The following CADM2 variants were observed in gnomAD, a reference collection of about 807,000 sequenced individuals.
CADM2 encodes the protein immunoglobulin superfamily member 4D.
In CADM2, 12 loss-of-function variants were observed where a neutral mutation model predicts 49.8. The ratio of observed to expected loss-of-function variants is 0.24; its 90% CI spans 0.15 to 0.39. CADM2 has a LOEUF of 0.39. Ranked by LOEUF, CADM2 falls within the 10% of genes least tolerant of loss-of-function variation. The pLI is 1.00. For synonymous variants in CADM2, 214 were observed against 175.4 expected, an observed-to-expected ratio of 1.22 and a Z score of -1.74; for missense variants, 378 against 492.3, an observed-to-expected ratio of 0.77 and a Z score of 2.20.
chr3:85,212,130 A>AT (rs2041794181), intron 1 of CADM2, among the ~76,000 whole-genome samples: 1 of 151,906 alleles, frequency 6.6e-6, no homozygotes, highest in Non-Finnish European at 1.5e-5. Context: ...CTACATGGAA[A>AT]TTTTTTTCTA....
At chr3:86,064,426 G>A (rs1228045558) in intron 8 of CADM2, among the ~76,000 whole-genome samples, 2 of 152,094 alleles carry the variant, frequency 1.3e-5, no homozygotes, top group Admixed American at 6.6e-5. Flanking sequence ...TGGTGTATAT[G>A]TGCCACATTT....
intron 2 of CADM2, among the ~76,000 whole-genome samples, chr3:85,775,072 G>C (rs959011261): frequency 1.3e-5 from 2 of 151,542 alleles, no homozygotes; most frequent in African/African-American, 2.4e-5. Flanking sequence ...TTTATCATGT[G>C]ATTTTCATAA....
chr3:85,525,325 T>C (rs2061137886), intron 1 of CADM2, among the ~76,000 whole-genome samples: 1 of 152,178 alleles, frequency 6.6e-6, no homozygotes, highest in Non-Finnish European at 1.5e-5. Flanking sequence ...AAACCAATCA[T>C]GCTAGGTTAT....
chr3:85,908,815 C>G (rs1187073492), intron 5 of CADM2, among the ~76,000 whole-genome samples: 2 of 151,782 alleles, frequency 1.3e-5, no homozygotes, highest in Non-Finnish European at 2.9e-5. Context: ...ACCTCCACTT[C>G]CCGGGTTCAA....
rs187151250 is a variant in CADM2 at position 85,218,095 on chromosome 3, G to A, written c.61+258427G>A. Among the ~76,000 whole-genome samples, 398 of 151,826 alleles carry A rather than the reference G, an allele frequency of 2.6e-3. 2 individuals carry two copies. The highest frequency in any genetic ancestry group is 4.1e-3 in the Non-Finnish European group (278 of 67,954). On this transcript the variant is annotated intron_variant, in intron 1 of 9. Transcript: ENST00000383699. ...TTTGATAATCATAATTATTTTATTA[G>A]ACATATAATAATTAGTTTATGAAAT...
chr3:85,898,330 T>C (rs6549060), intron 5 of CADM2, among the ~76,000 whole-genome samples: 25,920 of 151,968 alleles, frequency 0.17, 2,251 homozygotes, highest in East Asian at 0.2. Flanking sequence ...ATTTAAATTT[T>C]GCAATTTATT....
chr3:85,447,996 C>T (rs2037550641), intron 1 of CADM2, among the ~76,000 whole-genome samples: 1 of 151,952 alleles, frequency 6.6e-6, no homozygotes. Context: ...AAAACACACA[C>T]AAAAAGACAC....
rs1228306420 is a variant in CADM2, at chr3:85,776,173, A to G, written c.89-25874A>G. ...TTTTAATTAATAAAATGTTGAAAAC[A>G]GGGAAAACAAATCACTCATTCTAGG... On this transcript the variant is annotated intron_variant, in intron 2 of 9. Coordinates refer to ENST00000383699, the MANE Select transcript of CADM2 (RefSeq NM_001167675.2). Among the ~76,000 whole-genome samples, 4 of 152,066 alleles carry G rather than the reference A, an allele frequency of 2.6e-5. No homozygotes were observed. The East Asian group carries it at 7.7e-4, about 29-fold the overall frequency.
At chr3:85,471,960 A>G (rs1311570939) in intron 1 of CADM2, among the ~76,000 whole-genome samples, 2 of 151,966 alleles carry the variant, frequency 1.3e-5, no homozygotes, top group East Asian at 1.9e-4. Flanking sequence ...TCCCAATTCA[A>G]ATTAAATGTG....
intron 1 of CADM2, among the ~76,000 whole-genome samples, chr3:85,295,852 C>T (rs983922754): frequency 6.6e-6 from 1 of 151,596 alleles, no homozygotes; most frequent in African/African-American, 2.4e-5. Flanking sequence ...GGGTGCAACA[C>T]ACCAGCATGG....
At chr3:85,736,857 C>T (rs1293430861) in intron 2 of CADM2, among the ~76,000 whole-genome samples, 1 of 152,042 alleles carries the variant, frequency 6.6e-6, no homozygotes, top group East Asian at 1.9e-4. Context: ...TGGAAACTTA[C>T]AGTAGTCCAG....
At chr3:85,814,497 A>G (rs1301127417) in intron 3 of CADM2, among the ~76,000 whole-genome samples, 3 of 152,182 alleles carry the variant, frequency 2.0e-5, no homozygotes, top group Non-Finnish European at 2.9e-5. Flanking sequence ...AAAAACTAGC[A>G]GAAGACAAAA....
intron 1 of CADM2, among the ~76,000 whole-genome samples, chr3:85,284,543 T>G (rs1254416668): frequency 6.6e-6 from 1 of 152,076 alleles, no homozygotes; most frequent in Non-Finnish European, 1.5e-5. Context: ...GATTGTCACA[T>G]CTAAGCAAAG....
chr3:85,361,425 T>C (rs2032354192), intron 1 of CADM2, among the ~76,000 whole-genome samples: 2 of 152,088 alleles, frequency 1.3e-5, no homozygotes, highest in Non-Finnish European at 2.9e-5. Context: ...AGCCTAATGG[T>C]CTCCAAATAA....
intron 1 of CADM2, among the ~76,000 whole-genome samples, chr3:85,188,516 C>A (rs940105950): frequency 7.2e-5 from 11 of 151,842 alleles, no homozygotes; most frequent in African/African-American, 2.7e-4. Context: ...GCAATTTATT[C>A]TATTGATATA....
At chr3:85,162,728 A>G (rs142670778) in intron 1 of CADM2, among the ~76,000 whole-genome samples, 107 of 152,208 alleles carry the variant, frequency 7.0e-4, no homozygotes, top group Middle Eastern at 6.8e-3. Context: ...CTTACATGGA[A>G]TTTAATCTTG....
At chr3:85,131,008 C>T (rs544379681) in intron 1 of CADM2, among the ~76,000 whole-genome samples, 1 of 152,220 alleles carries the variant, frequency 6.6e-6, no homozygotes, top group South Asian at 2.1e-4. Flanking sequence ...CATAGTGAAA[C>T]TCCGTCTCTA....
At chr3:85,455,801 T>C (rs1247151398) in intron 1 of CADM2, among the ~76,000 whole-genome samples, 1 of 152,100 alleles carries the variant, frequency 6.6e-6, no homozygotes, top group East Asian at 1.9e-4. Context: ...AACAATTATG[T>C]GATTGGCTTC....
At chr3:85,532,746 T>G (rs1340484262) in intron 1 of CADM2, among the ~76,000 whole-genome samples, 4 of 152,168 alleles carry the variant, frequency 2.6e-5, no homozygotes, top group Admixed American at 1.3e-4. Context: ...AACAAATACA[T>G]GAACTCAACC....
Sources: gnomAD v4.1 joint callset for allele counts (sites outside exome capture counted in the v4.1 genomes callset) on GRCh38, gnomAD v4.1.1 for gene constraint, MANE v1.5 for transcripts, NCBI Gene and HGNC (gene_info 2026-07-23, HGNC 2026-07-21) for gene names.